Variants in STPG2 observed in about 807,000 individuals in gnomAD.
The protein encoded by STPG2 is sperm tail PG-rich repeat containing 2, also known as sperm-tail PG-rich repeat-containing protein 2.
STPG2 carries 56 observed loss-of-function variants against 54.2 expected under a neutral mutation model. The ratio of observed to expected loss-of-function variants is 1.03; its 90% confidence interval spans 0.83 to 1.29. The LOEUF is 1.29. STPG2 is among the 50% of genes most tolerant of loss of function. STPG2 has a pLI of 0.00. For synonymous variants in STPG2, 200 were observed against 181.8 expected (o/e 1.10, Z -0.81); for missense variants, 596 against 544.9 (o/e 1.09, Z -0.93).
At chr4:97,628,732 A>T (rs184657505) in intron 10 of STPG2, among the ~76,000 whole-genome samples, 17 of 152,234 alleles carry the variant, frequency 1.1e-4, no homozygotes, top group African/African-American at 4.1e-4. Flanking sequence ...GACTGCAAAA[A>T]TAAAACCCCT....
rs186301242 is a variant in STPG2 at position 98,093,932 on chromosome 4, G to A, written c.612+12021C>T. Among the ~76,000 whole-genome samples the A allele has an allele frequency of 2.3e-3, 348 of 152,304 alleles. 1 individual carries two copies. Among genetic ancestry groups the A allele is most frequent in the Non-Finnish European group, 3.4e-3 (229 of 68,022 alleles). ...AGTTTCTCAGGAAGTCTTGTTACAC[G>A]GAGTGAAGTGCTCTGGGGTCCTAAG... On this transcript the variant is annotated intron_variant, in intron 5 of 10. Coordinates refer to ENST00000295268, the MANE Select transcript of STPG2 (RefSeq NM_174952.3).
chr4:97,743,672 C>T (rs1180346412), intron 9 of STPG2, among the ~76,000 whole-genome samples: 1 of 151,520 alleles, frequency 6.6e-6, no homozygotes, highest in Non-Finnish European at 1.5e-5. Context: ...TCAAGTTCTA[C>T]CTCAAAGAAA....
At chr4:97,883,115 T>C (rs1433138712) in intron 8 of STPG2, among the ~76,000 whole-genome samples, 1 of 151,594 alleles carries the variant, frequency 6.6e-6, no homozygotes, top group Non-Finnish European at 1.5e-5. Context: ...CCCAGGAGTT[T>C]GAGACTAGCA....
chr4:98,142,216 A>G (rs1740315386), intron 1 of STPG2, among the ~76,000 whole-genome samples: 1 of 152,202 alleles, frequency 6.6e-6, no homozygotes, highest in Admixed American at 6.5e-5. Flanking sequence ...CTCCACCCCA[A>G]GAAACCTAAA....
At chr4:97,462,144 T>A (rs1729680015) in intron 4 of STPG2, among the ~76,000 whole-genome samples, 1 of 152,078 alleles carries the variant, frequency 6.6e-6, no homozygotes, top group South Asian at 2.1e-4. Flanking sequence ...TACTCAAAAT[T>A]CTTTTCATTC....
At chr4:97,728,875 A>T (rs1051486402) in intron 9 of STPG2, among the ~76,000 whole-genome samples, 1 of 151,844 alleles carries the variant, frequency 6.6e-6, no homozygotes, top group African/African-American at 2.4e-5. Context: ...TATCAAAGAA[A>T]TCTGTGTGTT....
intron 8 of STPG2, among the ~76,000 whole-genome samples, chr4:97,843,048 T>C (rs1728848114): frequency 6.6e-6 from 1 of 151,874 alleles, no homozygotes; most frequent in Non-Finnish European, 1.5e-5. Context: ...CTGAATACCA[T>C]TGTCAGGGAA....
rs70953081 is a variant in STPG2 at position 97,686,250 on chromosome 4, T to TTCTC, written c.1320+26445_1320+26448dup. Reference sequence around the variant, plus strand: ...TTCCTTTTTCTTTTTCTTTTCCTCTTTCTCTCTCTCTCTCTCTCTCTGTCT... The same window carrying TTCTC: ...TTCCTTTTTCTTTTTCTTTTCCTCTTTCTCTCTCTCTCTCTCTCTCTCTCTGTCT... On this transcript the variant is annotated intron_variant, in intron 10 of 10. Coordinates refer to ENST00000295268, the MANE Select transcript of STPG2 (RefSeq NM_174952.3). Among the ~76,000 whole-genome samples the TTCTC allele has an allele frequency of 6.2e-3, 917 of 148,494 alleles. 3 individuals are homozygous for TTCTC. Among genetic ancestry groups the TTCTC allele is most frequent in the Admixed American group, 0.019 (277 of 14,796 alleles).
At chr4:97,853,679 T>TA (rs1293760356) in intron 8 of STPG2, among the ~76,000 whole-genome samples, 2 of 152,188 alleles carry the variant, frequency 1.3e-5, no homozygotes, top group African/African-American at 2.4e-5. Context: ...AGAGATCATC[T>TA]AAAAAAATTG....
chr4:98,126,826 A>G (rs1370068522), intron 3 of STPG2, among the ~76,000 whole-genome samples: 2 of 152,108 alleles, frequency 1.3e-5, no homozygotes, highest in African/African-American at 2.4e-5. Context: ...GGGGAGAAAA[A>G]ATGATACAAC....
At chr4:97,541,438 G>A (rs1731703007) in intron 4 of STPG2, among the ~76,000 whole-genome samples, 1 of 152,098 alleles carries the variant, frequency 6.6e-6, no homozygotes, top group South Asian at 2.1e-4. Context: ...TGTTTAAGGA[G>A]AACTACAAAC....
At chr4:97,482,622 G>A (rs1730251341) in intron 4 of STPG2, among the ~76,000 whole-genome samples, 1 of 151,598 alleles carries the variant, frequency 6.6e-6, no homozygotes, top group Admixed American at 6.6e-5. Flanking sequence ...CTAAAAGTTT[G>A]GCAAACATAT....
chr4:97,646,924 T>C (rs1436716071), intron 10 of STPG2, among the ~76,000 whole-genome samples: 1 of 152,142 alleles, frequency 6.6e-6, no homozygotes, highest in Non-Finnish European at 1.5e-5. Context: ...TTAGGTGCCA[T>C]CTGGATAGTC....
intron 9 of STPG2, among the ~76,000 whole-genome samples, chr4:97,749,621 C>T (rs1320259834): frequency 1.3e-5 from 2 of 151,580 alleles, no homozygotes; most frequent in African/African-American, 4.8e-5. Context: ...TCAGTTGACC[C>T]GGAACAATGC....
chr4:97,793,045 T>A (rs1727051776), intron 9 of STPG2, among the ~76,000 whole-genome samples: 1 of 151,966 alleles, frequency 6.6e-6, no homozygotes, highest in Non-Finnish European at 1.5e-5. Flanking sequence ...TCCCAGCTGC[T>A]TGGGACGCTG....
intron 9 of STPG2, among the ~76,000 whole-genome samples, chr4:97,798,119 T>C (rs568705692): frequency 1.3e-5 from 2 of 152,170 alleles, no homozygotes; most frequent in Non-Finnish European, 2.9e-5. Flanking sequence ...TTTCTTGATC[T>C]TTTCAAAAAA....
At chr4:97,732,854 C>T (rs1724849776) in intron 9 of STPG2, among the ~76,000 whole-genome samples, 1 of 152,056 alleles carries the variant, frequency 6.6e-6, no homozygotes, top group Non-Finnish European at 1.5e-5. Context: ...CACTAATCAT[C>T]AGGGAAATGC....
chr4:97,870,971 G>C (rs1030219377), intron 8 of STPG2, among the ~76,000 whole-genome samples: 2 of 150,624 alleles, frequency 1.3e-5, no homozygotes, highest in African/African-American at 2.4e-5. Context: ...GACACTTCCT[G>C]ATCATAATGA....
At chr4:97,673,780 G>GTA (rs1283289409) in intron 10 of STPG2, among the ~76,000 whole-genome samples, 1 of 151,786 alleles carries the variant, frequency 6.6e-6, no homozygotes, top group African/African-American at 2.4e-5. Flanking sequence ...TTACTCTGGT[G>GTA]TATAAAATAT....
Sources: gnomAD v4.1 joint callset for allele counts (sites outside exome capture counted in the v4.1 genomes callset) on GRCh38, gnomAD v4.1.1 for gene constraint, MANE v1.5 for transcripts, NCBI Gene and HGNC (gene_info 2026-07-23, HGNC 2026-07-21) for gene names.